The following MYLK variants were observed in gnomAD, a reference collection of about 807,000 sequenced individuals.
MYLK encodes the protein myosin light chain kinase.
In MYLK, 106 loss-of-function variants were observed where a neutral mutation model predicts 203.4. That is an observed-to-expected ratio of 0.52 (90% CI 0.45 to 0.61). The LOEUF (loss-of-function observed/expected upper bound fraction) is 0.61, where lower values mean the gene tolerates loss of function less well. Among genes scored for constraint, MYLK ranks in the 20% least tolerant of loss-of-function variants. MYLK has a pLI of 0.00. For synonymous variants in MYLK, 867 were observed against 959.5 expected (o/e 0.90, Z 1.78); for missense variants, 2,072 against 2,442.3 (o/e 0.85, Z 3.20).
chr3:123,746,501 AG>A (rs918831474), intron 5 of MYLK, among the ~76,000 whole-genome samples: 16 of 152,124 alleles, frequency 1.1e-4, no homozygotes, highest in African/African-American at 3.6e-4. Context: ...TGTATTTTGG[AG>A]GGAAAAAGAG....
At chr3:123,649,821 CAGA>C (rs1248644982) in intron 24 of MYLK, among the ~76,000 whole-genome samples, 1 of 152,142 alleles carries the variant, frequency 6.6e-6, no homozygotes, top group Non-Finnish European at 1.5e-5. Flanking sequence ...GAATACACAA[CAGA>C]GGAGGGTGAC....
rs978984578 is a variant in MYLK, at chr3:123,648,801, G to T, written c.4415+170C>A. On this transcript the variant is annotated intron_variant, in intron 26 of 33. Transcript: ENST00000360304. The surrounding 1 kb of genome is among the most constrained non-coding windows in gnomAD (Gnocchi z 4.5). Reference sequence around the variant, plus strand: ...ATGGGCAACTCTGCAGAGAGTCCTGGGTGAGTGAGTGATGCTTTCGTGGGT... The same window carrying T: ...ATGGGCAACTCTGCAGAGAGTCCTGTGTGAGTGAGTGATGCTTTCGTGGGT... Among the ~76,000 whole-genome samples the T allele has an allele frequency of 6.6e-6, 1 of 152,142 alleles. No homozygotes were observed.
At chr3:123,828,208 C>A (rs567597674) in intron 3 of MYLK, among the ~76,000 whole-genome samples, 1 of 152,202 alleles carries the variant, frequency 6.6e-6, no homozygotes, top group Admixed American at 6.5e-5. Context: ...TCAAAATATA[C>A]TACAAAGCTG....
intron 4 of MYLK, among the ~76,000 whole-genome samples, chr3:123,759,554 G>A (rs2063468602): frequency 6.6e-6 from 1 of 152,224 alleles, no homozygotes; most frequent in Non-Finnish European, 1.5e-5. Context: ...TCCTTTGGAG[G>A]AAGTGCCTCC....
At chr3:123,686,274 TG>T (rs1019215579) in intron 19 of MYLK, among the ~76,000 whole-genome samples, 1 of 151,634 alleles carries the variant, frequency 6.6e-6, no homozygotes, top group Non-Finnish European at 1.5e-5. Context: ...TGTGAGGAAG[TG>T]GGGGGCCTCT....
rs574617911 is a variant in MYLK, at chr3:123,822,976, C to T, written c.-4+8572G>A. 1.6e-4 allele frequency among the ~76,000 whole-genome samples: 25 copies of T among 152,256 alleles called. No individual in the cohort carries two copies. The South Asian group carries it at 3.5e-3, about 21-fold the overall frequency. ...ATCATCCCTGGCTTCAATGAGGTTC[C>T]AGTTTAATGGGGGAAGATGAGGTCC... On this transcript the variant is annotated intron_variant, in intron 3 of 33. Coordinates refer to ENST00000360304, the MANE Select transcript of MYLK (RefSeq NM_053025.4).
intron 29 of MYLK, among the ~76,000 whole-genome samples, chr3:123,636,402 T>G (rs2058645560): frequency 6.6e-6 from 1 of 152,224 alleles, no homozygotes; most frequent in Non-Finnish European, 1.5e-5. Flanking sequence ...AATCTGTAGC[T>G]GCAGAAGATC....
At chr3:123,701,231 T>C (rs1343693858) in intron 17 of MYLK, among the ~76,000 whole-genome samples, 3 of 59,498 alleles carry the variant, frequency 5.0e-5, no homozygotes, top group African/African-American at 1.2e-4. Flanking sequence ...CTTATAAGGG[T>C]GTGTGCAAAA....
chr3:123,708,045 C>T (rs1291236337), intron 15 of MYLK, 42 bp from the exon 16 acceptor site: 2 of 1,612,018 alleles, frequency 1.2e-6, no homozygotes, highest in African/African-American at 1.3e-5. Flanking sequence ...GGATGTCCCT[C>T]AGCAGGCAGT....
intron 27 of MYLK, among the ~76,000 whole-genome samples, chr3:123,641,251 A>G (rs898069448): frequency 6.6e-5 from 10 of 152,174 alleles, no homozygotes; most frequent in Non-Finnish European, 1.2e-4. Flanking sequence ...GGTCTCAGCC[A>G]TCAGCATATT....
chr3:123,699,963 G>A, intron 18 of MYLK, 57 bp downstream of exon 18: 4 of 1,611,928 alleles, frequency 2.5e-6, no homozygotes, highest in Middle Eastern at 1.7e-4. Context: ...CGCTCCATGA[G>A]CTAGGAGTGG....
In MYLK at chr3:123,692,855, G is replaced by T. The variant is rs1466591364; in HGVS notation, c.3449-4C>A. 2 of 1,612,296 alleles carry T rather than the reference G, an allele frequency of 1.2e-6. No homozygotes were observed. On this transcript the variant is annotated splice_region_variant and splice_polypyrimidine_tract_variant and intron_variant, in intron 18 of 33. Transcript: ENST00000360304. ...ATGGAGACGGAGCAGAGTGAGCCTG[G>T]GGAGGAAGAATTGTGGAGTGAACCA...
chr3:123,662,061 A>G (rs537559403), intron 23 of MYLK, among the ~76,000 whole-genome samples: 2 of 152,342 alleles, frequency 1.3e-5, no homozygotes, highest in Admixed American at 6.5e-5. Context: ...GAAGTGCTAC[A>G]GGGCTTCCTA....
At chr3:123,864,356 GA>G (rs2032164286) in intron 2 of MYLK, among the ~76,000 whole-genome samples, 1 of 152,034 alleles carries the variant, frequency 6.6e-6, no homozygotes, top group Non-Finnish European at 1.5e-5. Context: ...TACCTCAAAA[GA>G]AAAAATAACG....
intron 29 of MYLK, among the ~76,000 whole-genome samples, chr3:123,634,266 C>G (rs2058553135): frequency 6.6e-6 from 1 of 152,136 alleles, no homozygotes. Context: ...AACAGGGATC[C>G]TAGGGCTGGA....
chr3:123,850,379 A>C (rs1311072714), intron 2 of MYLK, among the ~76,000 whole-genome samples: 1 of 152,124 alleles, frequency 6.6e-6, no homozygotes, highest in Non-Finnish European at 1.5e-5. Context: ...AAGTGTTCCT[A>C]TTTCTCCACA....
At chr3:123,822,557 G>A (rs36025624) in intron 3 of MYLK, among the ~76,000 whole-genome samples, 1 of 152,132 alleles carries the variant, frequency 6.6e-6, no homozygotes, top group Non-Finnish European at 1.5e-5. Flanking sequence ...GAATCCCACT[G>A]CTGCATCAAT....
At chr3:123,726,996 G>A (rs553694408) in intron 11 of MYLK, among the ~76,000 whole-genome samples, 1 of 152,260 alleles carries the variant, frequency 6.6e-6, no homozygotes, top group African/African-American at 2.4e-5. Context: ...GGGTTTATGG[G>A]CAAGAAAGCT....
At chr3:123,732,820 C>A in intron 11 of MYLK, 76 bp downstream of exon 11, 4 of 1,423,782 alleles carry the variant, frequency 2.8e-6, no homozygotes, top group Non-Finnish European at 3.0e-6. Context: ...GGAGATGAAC[C>A]ATCTGCAGAA....
Sources: allele counts gnomAD v4.1 joint callset (sites outside exome capture counted in the v4.1 genomes callset), GRCh38; gene constraint gnomAD v4.1.1; non-coding constraint Gnocchi (gnomAD v3.1); transcripts MANE v1.5; gene names NCBI Gene and HGNC (gene_info 2026-07-23, HGNC 2026-07-21).